C3orf20: variants seen among roughly 807,000 people sequenced by gnomAD.
The protein encoded by C3orf20 is family with sequence similarity 149 member C, also known as uncharacterized protein C3orf20.
A neutral mutation model predicts 88.3 loss-of-function variants in C3orf20; 76 were observed. The observed-to-expected ratio is 0.86, with a 90% CI of 0.72 to 1.04. The LOEUF (loss-of-function observed/expected upper bound fraction) is 1.04. Ranked by LOEUF, C3orf20 falls within the 50% of genes least tolerant of loss-of-function variation. The probability of loss-of-function intolerance (pLI) is 0.00; values close to 1 mark genes in which losing one functional copy is unlikely to be tolerated. For synonymous variants in C3orf20, 436 were observed against 437.4 expected, an observed-to-expected ratio of 1.00 and a Z score of 0.04; for missense variants, 1,056 against 1,123.3, an observed-to-expected ratio of 0.94 and a Z score of 0.86.
At chr3:14,680,288 G>T (rs2032018842) in intron 1 of C3orf20, among the ~76,000 whole-genome samples, 1 of 152,154 alleles carries the variant, frequency 6.6e-6, no homozygotes, top group South Asian at 2.1e-4. Context: ...ACAAATTGTG[G>T]TATATCCATA....
At chr3:14,709,427 C>T (rs1400662338) in intron 7 of C3orf20, among the ~76,000 whole-genome samples, 1 of 152,112 alleles carries the variant, frequency 6.6e-6, no homozygotes, top group Non-Finnish European at 1.5e-5. Flanking sequence ...TGAAAGCAGG[C>T]CTCCTTGTCT....
chr3:14,688,582 C>A (rs1379809214), intron 4 of C3orf20, among the ~76,000 whole-genome samples: 2 of 151,002 alleles, frequency 1.3e-5, no homozygotes, highest in Non-Finnish European at 3.0e-5. Flanking sequence ...AAAGCTGTAT[C>A]CAGAATATCC....
intron 5 of C3orf20, among the ~76,000 whole-genome samples, chr3:14,698,554 A>G (rs949074103): frequency 3.9e-5 from 6 of 152,190 alleles, no homozygotes; most frequent in East Asian, 3.9e-4. Flanking sequence ...GATCTTGGAT[A>G]AGATCCAGGA....
Position 14,702,297 on chromosome 3 carries a change from A to G in C3orf20, c.746-833A>G, listed in dbSNP as rs574011899. On this transcript the variant is annotated intron_variant, in intron 5 of 16. Coordinates refer to ENST00000253697, the MANE Select transcript of C3orf20 (RefSeq NM_032137.5). ...GAATAGCACGGGAAAGACCGGCCCC[A>G]TGATTCAATTACCTCCCCCTGGGTC... Among the ~76,000 whole-genome samples the G allele has an allele frequency of 2.6e-5, 4 of 152,260 alleles. No individual in the cohort carries two copies. In the South Asian group the frequency reaches 8.3e-4, roughly 32 times the overall value.
rs151208256 is a variant in C3orf20 at position 14,709,773 on chromosome 3, C to T, written c.1161-4234C>T. Among the ~76,000 whole-genome samples, 53 of 152,216 alleles carry T rather than the reference C, an allele frequency of 3.5e-4. 1 individual carries two copies. The highest frequency in any genetic ancestry group is 3.3e-3 in the South Asian group (16 of 4,822). On this transcript the variant is annotated intron_variant, in intron 7 of 16. Transcript: ENST00000253697. ...ATAGGCTGCTGCTGAATTTGGTTTG[C>T]TGGCATTTTGTTAAGGTATTTTATG... is the stretch of plus-strand genomic sequence containing the variant.
At chr3:14,692,691 C>G (rs1559400366) in intron 5 of C3orf20, among the ~76,000 whole-genome samples, 1 of 152,052 alleles carries the variant, frequency 6.6e-6, no homozygotes, top group Non-Finnish European at 1.5e-5. Context: ...TGTCTCTTCA[C>G]TTTGTTGATT....
chr3:14,679,440 T>C (rs2031961616), intron 1 of C3orf20, among the ~76,000 whole-genome samples: 1 of 152,172 alleles, frequency 6.6e-6, no homozygotes, highest in Non-Finnish European at 1.5e-5. Context: ...AGAGGTTCAT[T>C]TGCATGTGGA....
chr3:14,770,979 T>G (rs569651735), intron 15 of C3orf20, among the ~76,000 whole-genome samples: 2 of 152,214 alleles, frequency 1.3e-5, no homozygotes, highest in Non-Finnish European at 2.9e-5. Context: ...ACGTTTGTGT[T>G]GGCTGGAGCT....
Position 14,727,027 on chromosome 3 carries a change from A to G in C3orf20, c.1690+3A>G, listed in dbSNP as rs7636830. On this transcript the variant is annotated splice_donor_region_variant and intron_variant, in intron 11 of 16. Coordinates refer to ENST00000253697, the MANE Select transcript of C3orf20 (RefSeq NM_032137.5). ...TAATTCTATCTTGCTGGCCGCAGGT[A>G]AGGAGGCTGAAAGGTGGGCGAAGGC... 0.46 allele frequency: 746,970 copies of G among 1,613,772 alleles called. 174,880 individuals are homozygous for G. The highest frequency in any genetic ancestry group is 0.47 in the Non-Finnish European group (557,576 of 1,179,814).
At chr3:14,733,694 GTT>G (rs56739474) in intron 12 of C3orf20, among the ~76,000 whole-genome samples, 2 of 142,838 alleles carry the variant, frequency 1.4e-5, no homozygotes. Flanking sequence ...GTTGAAGTTG[GTT>G]TTTTTTTTTT....
chr3:14,731,784 T>A (rs1370742138), intron 12 of C3orf20, among the ~76,000 whole-genome samples: 1 of 152,236 alleles, frequency 6.6e-6, no homozygotes, highest in East Asian at 1.9e-4. Flanking sequence ...AGCCAAGGGC[T>A]AATGTTGTAA....
At chr3:14,698,991 C>G (rs1455760534) in intron 5 of C3orf20, among the ~76,000 whole-genome samples, 5 of 152,170 alleles carry the variant, frequency 3.3e-5, no homozygotes, top group Admixed American at 6.5e-5. Context: ...CTGTGAGACA[C>G]AGTCCTTCCC....
At chr3:14,766,907 GGA>G in intron 15 of C3orf20, 1 of 78,786 alleles carries the variant, frequency 1.3e-5, no homozygotes, top group South Asian at 6.4e-4. Context: ...GAGGCTTTGA[GGA>G]GCGTGGCCAG....
At chr3:14,729,901 C>T (rs2034481564) in intron 12 of C3orf20, among the ~76,000 whole-genome samples, 1 of 152,220 alleles carries the variant, frequency 6.6e-6, no homozygotes, top group African/African-American at 2.4e-5. Flanking sequence ...CATGCTTTAA[C>T]TTTTCAAAAA....
chr3:14,768,504 T>C lies in C3orf20; in HGVS notation c.2496-3563T>C, dbSNP rs1330599884. Among the ~76,000 whole-genome samples the C allele has an allele frequency of 6.6e-6, 1 of 151,976 alleles. No homozygotes were observed. Among genetic ancestry groups the C allele is most frequent in the Non-Finnish European group, 1.5e-5 (1 of 68,020 alleles). ...CAGGCAATGGGGAGCTAATGAAGGTTCTTGAGCTGAGAGAGACTTGATCAG... is the reference window on the plus strand; with the variant it reads ...CAGGCAATGGGGAGCTAATGAAGGTCCTTGAGCTGAGAGAGACTTGATCAG... On this transcript the variant is annotated intron_variant, in intron 15 of 16. Coordinates refer to ENST00000253697, the MANE Select transcript of C3orf20 (RefSeq NM_032137.5). The surrounding 1 kb of genome is among the most constrained non-coding windows in gnomAD (Gnocchi z 4.1).
Position 14,757,596 on chromosome 3 carries a change from C to A in C3orf20, c.2166C>A (p.Thr722=). 1 of 1,614,054 alleles carries A rather than the reference C, an allele frequency of 6.2e-7. No individual in the cohort carries two copies. The highest frequency in any genetic ancestry group is 8.5e-7 in the Non-Finnish European group (1 of 1,180,000). The change falls in exon 13 of 17, where the codon ACC becomes ACA. Residue 722 remains threonine, a synonymous_variant. Coordinates refer to ENST00000253697, the MANE Select transcript of C3orf20 (RefSeq NM_032137.5). ...GGATCATCTCAAGCCAGAACTACAC[C>A]AGCACTGGGCAGCTCCAGTGGCTGC... ...VFGIISSQNY[T]STGQLQWLLN... is the part of the protein sequence containing the mutation.
chr3:14,752,645 AAAAC>A (rs1303369666), intron 12 of C3orf20, among the ~76,000 whole-genome samples: 6 of 152,350 alleles, frequency 3.9e-5, no homozygotes, highest in Admixed American at 1.3e-4. Context: ...TTACAAGAAA[AAAAC>A]AAACAACCCC....
intron 9 of C3orf20, among the ~76,000 whole-genome samples, chr3:14,716,339 A>G (rs1365880425): frequency 6.6e-6 from 1 of 152,252 alleles, no homozygotes. Context: ...GTTGGGATTC[A>G]GAGAAAGATC....
At chr3:14,677,492 T>TTTTTTG (rs2031835540) in intron 1 of C3orf20, among the ~76,000 whole-genome samples, 1 of 152,034 alleles carries the variant, frequency 6.6e-6, no homozygotes, top group Non-Finnish European at 1.5e-5. Context: ...GGACATCCTT[T>TTTTTTG]TTTTTGTTTT....
Sources: gnomAD v4.1 joint callset for allele counts (sites outside exome capture counted in the v4.1 genomes callset) on GRCh38, gnomAD v4.1.1 for gene constraint, Gnocchi (gnomAD v3.1) non-coding constraint, MANE v1.5 for transcripts, NCBI Gene and HGNC (gene_info 2026-07-23, HGNC 2026-07-21) for gene names.